GALNT7: variants seen among roughly 807,000 people sequenced by gnomAD.
GALNT7 encodes N-acetylgalactosaminyltransferase 7.
In GALNT7, 60 loss-of-function variants were observed where a neutral mutation model predicts 82.1. That is an observed-to-expected ratio of 0.73 (90% CI 0.59 to 0.91). The LOEUF is 0.91. Ranked by LOEUF, GALNT7 falls within the 40% of genes least tolerant of loss-of-function variation. The pLI, the probability that GALNT7 is intolerant of heterozygous loss-of-function variation, is 0.00. For synonymous variants in GALNT7, 243 were observed against 275.1 expected (o/e 0.88, Z 1.15); for missense variants, 660 against 804.2 (o/e 0.82, Z 2.17).
chr4:173,313,570 C>CAAAAAAAAAAAAAA (rs957463269), intron 8 of GALNT7, among the ~76,000 whole-genome samples: 2 of 62,382 alleles, frequency 3.2e-5, no homozygotes, highest in African/African-American at 5.1e-5. Flanking sequence ...GACCCCATCA[C>CAAAAAAAAAAAAAA]AAAAAAAAAA....
chr4:173,269,949 C>CT (rs1735662858), intron 2 of GALNT7, among the ~76,000 whole-genome samples: 1 of 152,048 alleles, frequency 6.6e-6, no homozygotes, highest in African/African-American at 2.4e-5. Flanking sequence ...CTAGAGACAC[C>CT]CCACCTCATC....
chr4:173,247,181 A>G (rs1734668885), intron 1 of GALNT7, among the ~76,000 whole-genome samples: 1 of 151,888 alleles, frequency 6.6e-6, no homozygotes, highest in Non-Finnish European at 1.5e-5. Flanking sequence ...GAAAAAACTT[A>G]ACAAATAATA....
chr4:173,212,383 A>G (rs887685095), intron 1 of GALNT7, among the ~76,000 whole-genome samples: 2 of 152,334 alleles, frequency 1.3e-5, no homozygotes, highest in East Asian at 3.9e-4. Context: ...GCCTACAAAT[A>G]ACTACTAGAA....
chr4:173,266,868 G>GGGGTGTGT (rs1198187336), intron 2 of GALNT7, among the ~76,000 whole-genome samples: 6 of 95,078 alleles, frequency 6.3e-5, no homozygotes, highest in African/African-American at 8.6e-5. Flanking sequence ...GGCTGGGAAG[G>GGGGTGTGT]GTGTGTGTGT....
chr4:173,218,976 T>TA (rs375059549), intron 1 of GALNT7, among the ~76,000 whole-genome samples: 2 of 151,870 alleles, frequency 1.3e-5, no homozygotes, highest in African/African-American at 4.8e-5. Flanking sequence ...TCTTTTTTCT[T>TA]AAAAAAATTT....
chr4:173,314,142 A>G lies in GALNT7; in HGVS notation c.1574A>G (p.Tyr525Cys), dbSNP rs768506630. 6.2e-7 allele frequency: 1 copy of G among 1,612,770 alleles called. No homozygotes were observed. Among genetic ancestry groups the G allele is most frequent in the Admixed American group, 1.7e-5 (1 of 60,014 alleles). The part of the protein sequence containing the change: ...EEIAYDITSH[Y>C]PLPPKNVDWG... ...ATAGCTTATGATATCACCTCACACT[A>G]CCCTTTGCCACCCAAAAATGTTGAC... Residue 525 changes from tyrosine to cysteine, a missense_variant, in exon 9 of 12, where the codon TAC becomes TGC. Physicochemically the swap from Tyr to Cys is radical, Grantham distance 194 (BLOSUM62 -2). This residue lies in a region of GALNT7 where 527 missense variants were observed against 683.5 expected (regional missense o/e 0.77). Coordinates refer to ENST00000265000, the MANE Select transcript of GALNT7 (RefSeq NM_017423.3).
At chr4:173,178,074 G>T (rs1447980131) in intron 1 of GALNT7, among the ~76,000 whole-genome samples, 1 of 141,470 alleles carries the variant, frequency 7.1e-6, no homozygotes, top group Admixed American at 6.9e-5. Context: ...CGTGCGCACA[G>T]ACACCTATGT....
chr4:173,212,688 GGTATA>G (rs950631502), intron 1 of GALNT7, among the ~76,000 whole-genome samples: 3 of 151,070 alleles, frequency 2.0e-5, no homozygotes, highest in African/African-American at 7.3e-5. Context: ...ATCATGTTAA[GGTATA>G]GTGATTTGCT....
intron 1 of GALNT7, among the ~76,000 whole-genome samples, chr4:173,179,901 G>A (rs1182974396): frequency 1.3e-5 from 2 of 152,110 alleles, no homozygotes; most frequent in Non-Finnish European, 2.9e-5. Context: ...ACTTACTGCT[G>A]TACTTCAAAT....
At chr4:173,313,270 A>G (rs1191090496) in intron 8 of GALNT7, among the ~76,000 whole-genome samples, 3 of 152,028 alleles carry the variant, frequency 2.0e-5, no homozygotes, top group Non-Finnish European at 4.4e-5. Flanking sequence ...GAACGATTCT[A>G]ATAGAAAGAG....
intron 8 of GALNT7, among the ~76,000 whole-genome samples, chr4:173,306,472 T>C (rs560221779): frequency 6.6e-6 from 1 of 152,222 alleles, no homozygotes; most frequent in African/African-American, 2.4e-5. Flanking sequence ...CTTTCAACTT[T>C]TCATCATTGA....
intron 2 of GALNT7, among the ~76,000 whole-genome samples, chr4:173,248,826 G>A (rs994482660): frequency 1.3e-5 from 2 of 152,152 alleles, no homozygotes; most frequent in Non-Finnish European, 2.9e-5. Context: ...TCCTTGATTT[G>A]TTGATTTTCA....
At chr4:173,312,751 G>T (rs1463657104) in intron 8 of GALNT7, among the ~76,000 whole-genome samples, 12 of 152,210 alleles carry the variant, frequency 7.9e-5, no homozygotes, top group Non-Finnish European at 1.5e-5. Flanking sequence ...CTCTATAGCT[G>T]CTTTTTCTTA....
At chr4:173,313,604 AT>A (rs929436508) in intron 8 of GALNT7, among the ~76,000 whole-genome samples, 1 of 151,028 alleles carries the variant, frequency 6.6e-6, no homozygotes, top group African/African-American at 2.4e-5. Context: ...AAAGAAAGAG[AT>A]TATTATAGGG....
rs751153470 is a variant in GALNT7, at chr4:173,317,783, G to C, written c.1707+51G>C. 3.7e-6 allele frequency: 4 copies of C among 1,092,060 alleles called. No homozygotes were observed. The Admixed American group carries it at 7.0e-5, about 19-fold the overall frequency. The allele number at this position is 1,092,060 out of a possible 1,614,324, so 67.6% of individuals were successfully genotyped here. On this transcript the variant is annotated intron_variant, in intron 10 of 11. Coordinates refer to ENST00000265000, the MANE Select transcript of GALNT7 (RefSeq NM_017423.3). ...AGTTGTTCCGTATTGAGGGCCATCA[G>C]GTTTATTGATCACAGAGTGATCTTT...
chr4:173,183,730 G>C (rs6827653), intron 1 of GALNT7, among the ~76,000 whole-genome samples: 1 of 150,774 alleles, frequency 6.6e-6, no homozygotes, highest in Non-Finnish European at 1.5e-5. Flanking sequence ...GGCGGCGGCC[G>C]GGCGGGGTCT....
At chr4:173,262,743 A>G (rs1435912373) in intron 2 of GALNT7, among the ~76,000 whole-genome samples, 2 of 152,032 alleles carry the variant, frequency 1.3e-5, no homozygotes, top group East Asian at 1.9e-4. Flanking sequence ...TCAGTCTCAG[A>G]CGCTTTTCCT....
chr4:173,302,840 TAAG>T lies in GALNT7; in HGVS notation c.1266+681_1266+683del, dbSNP rs1339632349. 7.9e-5 allele frequency among the ~76,000 whole-genome samples: 12 copies of T among 152,310 alleles called. No individual in the cohort carries two copies. Among genetic ancestry groups the T allele is most frequent in the Non-Finnish European group, 1.3e-4 (9 of 68,028 alleles). On this transcript the variant is annotated intron_variant, in intron 7 of 11. Transcript: ENST00000265000. The surrounding 1 kb of genome is among the most constrained non-coding windows in gnomAD (Gnocchi z 4.2). ...CAGTTGTTGCTCTCAAGGAACTTGA[TAAG>T]AAGATATTAGAATTATACTTAAATT...
chr4:173,285,941 G>A (rs1167610064), intron 2 of GALNT7, among the ~76,000 whole-genome samples: 9 of 152,042 alleles, frequency 5.9e-5, no homozygotes, highest in Non-Finnish European at 1.0e-4. Context: ...GCCACCAGAA[G>A]TCATTCTAGG....
Sources: allele counts gnomAD v4.1 joint callset (sites outside exome capture counted in the v4.1 genomes callset), GRCh38; gene constraint gnomAD v4.1.1; regional missense constraint gnomAD v4.1.1; non-coding constraint Gnocchi (gnomAD v3.1); transcripts MANE v1.5; gene names NCBI Gene and HGNC (gene_info 2026-07-23, HGNC 2026-07-21).